LDHC: variants seen among roughly 807,000 people sequenced by gnomAD.
LDHC encodes the protein L-lactate dehydrogenase C chain.
LDHC carries 20 observed loss-of-function variants against 30.2 expected under a neutral mutation model. The observed-to-expected ratio is 0.66, with a 90% CI of 0.47 to 0.96. The LOEUF is 0.96. LDHC is among the 40% of genes least tolerant of loss of function. LDHC has a pLI of 0.00. For synonymous variants in LDHC, 139 were observed against 132.7 expected (o/e 1.05, Z -0.32); for missense variants, 362 against 394.9 (o/e 0.92, Z 0.71).
At chr11:18,450,879 C>T in intron 7 of LDHC, 84 bp from the exon 8 acceptor site, 1 of 1,006,846 alleles carries the variant, frequency 9.9e-7, no homozygotes, top group Non-Finnish European at 1.5e-6. Flanking sequence ...TTAGTCTCTC[C>T]TGTATACTCT....
intron 4 of LDHC, 110 bp downstream of exon 4, chr11:18,430,020 T>C (rs1212770193): frequency 1.5e-6 from 1 of 658,566 alleles, no homozygotes. Context: ...ATTGCACTCG[T>C]TTAAAGTATA....
At chr11:18,428,363 T>C (rs1373834059) in intron 3 of LDHC, among the ~76,000 whole-genome samples, 1 of 151,294 alleles carries the variant, frequency 6.6e-6, no homozygotes, top group Non-Finnish European at 1.5e-5. Context: ...TAGAGACATG[T>C]TGGTCAGGCT....
chr11:18,422,553 C>CAA (rs113941173), intron 3 of LDHC, among the ~76,000 whole-genome samples: 4,265 of 115,244 alleles, frequency 0.037, 229 homozygotes, highest in African/African-American at 0.12. Context: ...GACTCCATCT[C>CAA]AAAAAAAAAA....
chr11:18,443,974 G>A (rs1848507531), intron 6 of LDHC, among the ~76,000 whole-genome samples: 1 of 151,956 alleles, frequency 6.6e-6, no homozygotes, highest in Admixed American at 6.6e-5. Flanking sequence ...TAATCCTCAG[G>A]GTGCTGCTAA....
intron 3 of LDHC, among the ~76,000 whole-genome samples, chr11:18,427,087 G>A (rs1027321249): frequency 6.6e-6 from 1 of 152,154 alleles, no homozygotes; most frequent in African/African-American, 2.4e-5. Context: ...GCTGGGCGTG[G>A]TAGCTGATGC....
At chr11:18,415,094 C>T in intron 2 of LDHC, 90 bp from the exon 3 acceptor site, 3 of 664,234 alleles carry the variant, frequency 4.5e-6, no homozygotes, top group Non-Finnish European at 7.9e-6. Flanking sequence ...TATGAGATTC[C>T]TTTAATTATC....
At position 18,438,627 on chromosome 11, in the gene LDHC, A is replaced by G. The variant is rs755357039; in HGVS notation, c.692A>G (p.His231Arg). ...DSDKEHWKNI[H>R]KQVIQSAYEI... The stretch of plus-strand genomic sequence containing the variant: ...GATAAGGAACACTGGAAAAATATCC[A>G]TAAACAAGTTATTCAAAGGTAATAG... Residue 231 changes from histidine to arginine, a missense_variant, in exon 6 of 8, where the codon CAT (histidine) becomes CGT (arginine). Transcript: ENST00000541669. 6.3e-7 allele frequency: 1 copy of G among 1,593,140 alleles called. No homozygotes were observed. Among genetic ancestry groups the G allele is most frequent in the Non-Finnish European group, 8.6e-7 (1 of 1,160,994 alleles).
chr11:18,421,546 G>A (rs73436668), intron 3 of LDHC, among the ~76,000 whole-genome samples: 20,669 of 151,888 alleles, frequency 0.14, 1,500 homozygotes, highest in Middle Eastern at 0.2. Context: ...GCTGATGCAT[G>A]CCTATAATCC....
Position 18,449,374 on chromosome 11 carries a change from C to G in LDHC, c.835-1589C>G, listed in dbSNP as rs561615338. Among the ~76,000 whole-genome samples, 19 of 129,880 alleles carry G rather than the reference C, an allele frequency of 1.5e-4. No homozygotes were observed. The East Asian group carries it at 4.4e-3, about 30-fold the overall frequency. 85.2% of individuals were successfully genotyped at this position (129,880 alleles called of 152,430 possible). The stretch of plus-strand genomic sequence containing the variant: ...CCCAGGAGGTCCAGGCAACATTGAG[C>G]TATGACTGCACCACTGCACTCCAGC... On this transcript the variant is annotated intron_variant, in intron 7 of 7. Transcript: ENST00000541669.
At chr11:18,427,487 T>C (rs1848181447) in intron 3 of LDHC, among the ~76,000 whole-genome samples, 1 of 152,094 alleles carries the variant, frequency 6.6e-6, no homozygotes, top group Non-Finnish European at 1.5e-5. Flanking sequence ...AGTGGCAAAG[T>C]TGGGAATACT....
intron 6 of LDHC, among the ~76,000 whole-genome samples, chr11:18,445,386 G>T (rs932804785): frequency 6.6e-6 from 1 of 151,882 alleles, no homozygotes; most frequent in Admixed American, 6.6e-5. Context: ...ATGGGGTTTC[G>T]CTGTGTTGGC....
chr11:18,422,278 G>A (rs1277359109), intron 3 of LDHC, among the ~76,000 whole-genome samples: 2 of 151,764 alleles, frequency 1.3e-5, no homozygotes, highest in East Asian at 1.9e-4. Flanking sequence ...AATCAAGGCC[G>A]GGCACGATGG....
chr11:18,437,475 G>A lies in LDHC; in HGVS notation c.593-1053G>A, dbSNP rs151198616. On this transcript the variant is annotated intron_variant, in intron 5 of 7. Coordinates refer to ENST00000541669, the MANE Select transcript of LDHC (RefSeq NM_017448.5). Reference sequence around the variant, plus strand: ...TGTAAAGAAATACCTGGCCAGGGCCGGGCACGGTGGCTCACGCCTATAATC... The same window carrying A: ...TGTAAAGAAATACCTGGCCAGGGCCAGGCACGGTGGCTCACGCCTATAATC... 3.7e-3 allele frequency among the ~76,000 whole-genome samples: 563 copies of A among 151,750 alleles called. 9 individuals are homozygous for A. The highest frequency in any genetic ancestry group is 0.013 in the African/African-American group (542 of 41,370).
intron 4 of LDHC, among the ~76,000 whole-genome samples, chr11:18,430,577 G>A (rs946311421): frequency 5.9e-5 from 9 of 152,086 alleles, no homozygotes; most frequent in African/African-American, 1.9e-4. Context: ...GTCCAGTCTG[G>A]TCCGGAACTC....
chr11:18,445,681 A>G (rs184530623), intron 6 of LDHC, among the ~76,000 whole-genome samples: 2 of 152,312 alleles, frequency 1.3e-5, no homozygotes, highest in Admixed American at 6.5e-5. Flanking sequence ...TTTTACTTAA[A>G]AAAAGTAGGC....
intron 3 of LDHC, among the ~76,000 whole-genome samples, chr11:18,424,497 A>G (rs1397260228): frequency 6.6e-6 from 1 of 152,328 alleles, no homozygotes; most frequent in South Asian, 2.1e-4. Context: ...ACTTTTGCAC[A>G]TGCGCACTAG....
At chr11:18,439,830 A>AAAC (rs1848430456) in intron 6 of LDHC, among the ~76,000 whole-genome samples, 1 of 115,708 alleles carries the variant, frequency 8.6e-6, no homozygotes, top group East Asian at 2.2e-4. Context: ...AAAAAAAAAA[A>AAAC]AAAAAACAAA....
chr11:18,423,430 T>C (rs1848102240), intron 3 of LDHC, among the ~76,000 whole-genome samples: 1 of 152,182 alleles, frequency 6.6e-6, no homozygotes, highest in African/African-American at 2.4e-5. Context: ...AAGATTGTTA[T>C]ATAACACTGA....
At chr11:18,416,695 C>T (rs1322649377) in intron 3 of LDHC, among the ~76,000 whole-genome samples, 1 of 150,068 alleles carries the variant, frequency 6.7e-6, no homozygotes, top group African/African-American at 2.5e-5. Context: ...TTCCATCTTC[C>T]CCTTCCCTTC....
Sources: allele counts gnomAD v4.1 joint callset (sites outside exome capture counted in the v4.1 genomes callset), GRCh38; gene constraint gnomAD v4.1.1; transcripts MANE v1.5; gene names NCBI Gene and HGNC (gene_info 2026-07-23, HGNC 2026-07-21).